The following PRKCA variants were observed in gnomAD, a reference collection of about 807,000 sequenced individuals.
PRKCA encodes protein kinase C alpha type.
PRKCA carries 27 observed loss-of-function variants against 87.0 expected under a neutral mutation model. The observed-to-expected ratio is 0.31, with a 90% CI of 0.23 to 0.43. The LOEUF is 0.43. Ranked by LOEUF, PRKCA falls within the 20% of genes least tolerant of loss-of-function variation. The pLI, the probability that PRKCA is intolerant of heterozygous loss-of-function variation, is 1.00. For synonymous variants in PRKCA, 329 were observed against 311.1 expected, an observed-to-expected ratio of 1.06 and a Z score of -0.61; for missense variants, 518 against 852.3, an observed-to-expected ratio of 0.61 and a Z score of 4.88.
At chr17:66,640,814 T>C (rs1017303605) in intron 3 of PRKCA, 3 of 356,804 alleles carry the variant, frequency 8.4e-6, no homozygotes, top group Non-Finnish European at 1.6e-5. Context: ...GAAACCGTGG[T>C]ATGTGCAAAT....
intron 2 of PRKCA, among the ~76,000 whole-genome samples, chr17:66,398,438 A>G (rs549226185): frequency 6.6e-6 from 1 of 152,332 alleles, no homozygotes; most frequent in South Asian, 2.1e-4. Flanking sequence ...AGAAAAATCA[A>G]AGTTGGTGAT....
rs778155542 is a variant in PRKCA, at chr17:66,645,477, G to T, written c.495G>T (p.Lys165Asn). 6.2e-7 allele frequency: 1 copy of T among 1,614,076 alleles called. No individual in the cohort carries two copies. Among genetic ancestry groups the T allele is most frequent in the African/African-American group, 1.3e-5 (1 of 74,930 alleles). The change falls in exon 5 of 17, where the codon AAG (lysine) becomes AAT (asparagine). Residue 165 changes from lysine to asparagine, a missense_variant. Physicochemically the swap from Lys to Asn is moderately conservative, Grantham distance 94. Coordinates refer to ENST00000413366, the MANE Select transcript of PRKCA (RefSeq NM_002737.3). ...AGAAGAGGGGGCGGATTTACCTAAA[G>T]GCTGAGGTTGCTGATGAAAAGCTCC... ...HTEKRGRIYLKAEVADEKLHV... is the reference protein window; with the variant it reads ...HTEKRGRIYLNAEVADEKLHV...
intron 2 of PRKCA, among the ~76,000 whole-genome samples, chr17:66,448,232 T>A (rs988366949): frequency 1.3e-5 from 2 of 152,216 alleles, no homozygotes; most frequent in African/African-American, 4.8e-5. Context: ...TTCTAAACCT[T>A]AGGAAAACGT....
intron 2 of PRKCA, among the ~76,000 whole-genome samples, chr17:66,309,138 A>G (rs1449692171): frequency 6.6e-6 from 1 of 152,186 alleles, no homozygotes. Flanking sequence ...TTTTTTAACT[A>G]GAGGGGTGTG....
intron 14 of PRKCA, chr17:66,777,189 AC>A (rs1975075368): frequency 1.0e-6 from 1 of 985,146 alleles, no homozygotes; most frequent in Non-Finnish European, 1.2e-6. Flanking sequence ...CCGAACAGCC[AC>A]CTGTTGTAAC....
At chr17:66,358,502 C>G (rs1908199315) in intron 2 of PRKCA, among the ~76,000 whole-genome samples, 1 of 150,208 alleles carries the variant, frequency 6.7e-6, no homozygotes, top group Admixed American at 6.6e-5. Context: ...ATCTATTACA[C>G]TCTACCCATT....
chr17:66,408,502 A>T (rs79881458), intron 2 of PRKCA, among the ~76,000 whole-genome samples: 3 of 152,258 alleles, frequency 2.0e-5, no homozygotes, highest in Non-Finnish European at 2.9e-5. Flanking sequence ...CAGCTTGGGC[A>T]TTAAAGCACC....
intron 5 of PRKCA, 25 bp downstream of exon 5, chr17:66,645,536 G>A (rs1471288949): frequency 6.2e-7 from 1 of 1,613,534 alleles, no homozygotes; most frequent in South Asian, 1.1e-5. Flanking sequence ...TCCCGGAGCA[G>A]CATCGTGGGC....
At chr17:66,588,797 T>C (rs556900644) in intron 3 of PRKCA, among the ~76,000 whole-genome samples, 1 of 152,000 alleles carries the variant, frequency 6.6e-6, no homozygotes, top group Non-Finnish European at 1.5e-5. Context: ...CCCACCACCA[T>C]GCTCGGCTGA....
chr17:66,616,608 C>T (rs747521105), intron 3 of PRKCA, among the ~76,000 whole-genome samples: 2 of 152,212 alleles, frequency 1.3e-5, no homozygotes, highest in Non-Finnish European at 2.9e-5. Flanking sequence ...GTTGGAGCTG[C>T]GTGCACAGGG....
At chr17:66,712,681 G>A (rs1973362314) in intron 8 of PRKCA, among the ~76,000 whole-genome samples, 1 of 152,156 alleles carries the variant, frequency 6.6e-6, no homozygotes, top group African/African-American at 2.4e-5. Context: ...CAAGAAGGCA[G>A]CAGGGTGTGG....
chr17:66,687,326 A>C, intron 6 of PRKCA, 59 bp downstream of exon 6: 1 of 1,531,268 alleles, frequency 6.5e-7, no homozygotes, highest in Non-Finnish European at 8.9e-7. Flanking sequence ...TGCCCACCTC[A>C]TTATTTGAGG....
intron 5 of PRKCA, among the ~76,000 whole-genome samples, chr17:66,661,411 G>A (rs1971901897): frequency 6.6e-6 from 1 of 152,222 alleles, no homozygotes; most frequent in African/African-American, 2.4e-5. Flanking sequence ...TGTGCAGGAA[G>A]TGTGTTCAGG....
chr17:66,732,638 T>C lies in PRKCA; in HGVS notation c.919-50T>C, dbSNP rs780824039. On this transcript the variant is annotated intron_variant, in intron 8 of 16. Coordinates refer to ENST00000413366, the MANE Select transcript of PRKCA (RefSeq NM_002737.3). ...TACAACACGGTGGTTTCTGTCACTC[T>C]TTCCCCAGAAAAATGACCCACGTGT... 5.0e-6 allele frequency: 8 copies of C among 1,611,792 alleles called. 1 individual carries two copies. The South Asian group carries it at 8.8e-5, about 18-fold the overall frequency.
chr17:66,652,416 G>A (rs9905177), intron 5 of PRKCA, among the ~76,000 whole-genome samples: 1,842 of 152,242 alleles, frequency 0.012, 33 homozygotes, highest in African/African-American at 0.042. Flanking sequence ...GAATGTTTTT[G>A]TACCAGTGTG....
intron 2 of PRKCA, among the ~76,000 whole-genome samples, chr17:66,312,292 T>C (rs1159084292): frequency 6.6e-6 from 1 of 152,216 alleles, no homozygotes; most frequent in African/African-American, 2.4e-5. Context: ...AGAGTTTCCT[T>C]TTCTTTACAT....
At chr17:66,695,939 A>T (rs1233903537) in intron 8 of PRKCA, among the ~76,000 whole-genome samples, 1 of 152,242 alleles carries the variant, frequency 6.6e-6, no homozygotes, top group African/African-American at 2.4e-5. Context: ...AGCTTGTATG[A>T]GCTCTCTAAA....
chr17:66,484,296 A>G (rs1275001356), intron 2 of PRKCA, among the ~76,000 whole-genome samples: 2 of 152,214 alleles, frequency 1.3e-5, no homozygotes, highest in Non-Finnish European at 2.9e-5. Flanking sequence ...GCCAAACCAT[A>G]TCACAGTTCA....
chr17:66,613,992 A>T lies in PRKCA; in HGVS notation c.289-27363A>T, dbSNP rs147782329. On this transcript the variant is annotated intron_variant, in intron 3 of 16. Transcript: ENST00000413366. Reference sequence around the variant, plus strand: ...TTTCAGTAGAGATGGGGTTTCACCAAGATGGCCAGGCTTGTCTTGAACTCC... The same window carrying T: ...TTTCAGTAGAGATGGGGTTTCACCATGATGGCCAGGCTTGTCTTGAACTCC... Among the ~76,000 whole-genome samples, 1,031 of 152,040 alleles carry T rather than the reference A, an allele frequency of 6.8e-3. 14 individuals are homozygous for T. The highest frequency in any genetic ancestry group is 0.021 in the African/African-American group (881 of 41,486).
Sources: gnomAD v4.1 joint callset for allele counts (sites outside exome capture counted in the v4.1 genomes callset) on GRCh38, gnomAD v4.1.1 for gene constraint, MANE v1.5 for transcripts, NCBI Gene and HGNC (gene_info 2026-07-23, HGNC 2026-07-21) for gene names.